Variants in PREX2 observed in about 807,000 individuals in gnomAD.
PREX2 encodes the protein phosphatidylinositol 3,4,5-trisphosphate-dependent Rac exchanger 2 protein.
PREX2 carries 107 observed loss-of-function variants against 203.2 expected under a neutral mutation model. The observed-to-expected ratio is 0.53, with a 90% confidence interval of 0.45 to 0.62. The LOEUF (loss-of-function observed/expected upper bound fraction) is 0.62, where lower values mean the gene tolerates loss of function less well. Among genes scored for constraint, PREX2 ranks in the 20% least tolerant of loss-of-function variants. The pLI, the probability that PREX2 is intolerant of heterozygous loss-of-function variation, is 0.00. For synonymous variants in PREX2, 672 were observed against 663.6 expected (o/e 1.01, Z -0.19); for missense variants, 1,777 against 1,955.9 (o/e 0.91, Z 1.72).
chr8:67,979,381 C>CT (rs1047482402), intron 1 of PREX2, among the ~76,000 whole-genome samples: 2 of 152,060 alleles, frequency 1.3e-5, no homozygotes, highest in African/African-American at 2.4e-5. Flanking sequence ...CTTTTTGTTG[C>CT]TTTTTTGGTG....
Position 68,017,878 on chromosome 8 carries a change from A to T in PREX2, c.174A>T (p.Ala58=). The T allele has an allele frequency of 6.2e-7, 1 of 1,613,094 alleles. No homozygotes were observed. The highest frequency in any genetic ancestry group is 8.5e-7 in the Non-Finnish European group (1 of 1,179,338). The change falls in exon 2 of 40, where the codon GCA becomes GCT. Residue 58 remains alanine, a synonymous_variant. Coordinates refer to ENST00000288368, the MANE Select transcript of PREX2 (RefSeq NM_024870.4). ...TACACAGAATGAACCAGTGTGCAGC[A>T]TCAAAAGTTGACAAAAATGTGACAG... is the stretch of plus-strand genomic sequence containing the variant. The part of the protein sequence containing the change: ...AFLHRMNQCA[A]SKVDKNVTEE...
intron 10 of PREX2, among the ~76,000 whole-genome samples, chr8:68,056,901 A>C (rs1207297532): frequency 6.6e-6 from 1 of 152,202 alleles, no homozygotes; most frequent in Admixed American, 6.5e-5. Flanking sequence ...ATTTGCTTTG[A>C]AAACATGGAG....
At chr8:68,228,244 T>A (rs1295904163) in intron 39 of PREX2, among the ~76,000 whole-genome samples, 1 of 152,198 alleles carries the variant, frequency 6.6e-6, no homozygotes, top group East Asian at 1.9e-4. Flanking sequence ...TTTTGTTATG[T>A]CACAAAATCT....
At chr8:68,107,485 G>A (rs533401808) in intron 23 of PREX2, among the ~76,000 whole-genome samples, 1 of 152,286 alleles carries the variant, frequency 6.6e-6, no homozygotes, top group South Asian at 2.1e-4. Context: ...AATCATGTGA[G>A]TATCACTTTA....
At chr8:68,014,787 T>C (rs1407487412) in intron 1 of PREX2, among the ~76,000 whole-genome samples, 1 of 152,198 alleles carries the variant, frequency 6.6e-6, no homozygotes, top group Non-Finnish European at 1.5e-5. Flanking sequence ...ACATAAAGAA[T>C]TGTTCATCAG....
chr8:68,118,445 A>G (rs1309629867), intron 26 of PREX2, 105 bp from the exon 27 acceptor site: 9 of 693,944 alleles, frequency 1.3e-5, no homozygotes, highest in Non-Finnish European at 2.3e-5. Flanking sequence ...AGTTTTCTCT[A>G]AAACATACTA....
At chr8:68,036,936 A>G (rs150845243) in intron 6 of PREX2, among the ~76,000 whole-genome samples, 1 of 152,168 alleles carries the variant, frequency 6.6e-6, no homozygotes, top group Non-Finnish European at 1.5e-5. Context: ...GTGAAACTCC[A>G]TTTCAAAAAA....
At chr8:68,157,962 A>G (rs899085530) in intron 35 of PREX2, among the ~76,000 whole-genome samples, 1 of 151,798 alleles carries the variant, frequency 6.6e-6, no homozygotes, top group African/African-American at 2.4e-5. Flanking sequence ...TACTGGTACA[A>G]TGATAAATGA....
At chr8:67,968,905 C>T (rs1805846975) in intron 1 of PREX2, among the ~76,000 whole-genome samples, 2 of 152,136 alleles carry the variant, frequency 1.3e-5, no homozygotes, top group African/African-American at 4.8e-5. Context: ...CAAGACTTGC[C>T]TAAGGAAATA....
chr8:68,056,124 A>T lies in PREX2; in HGVS notation c.1238+150A>T. On this transcript the variant is annotated intron_variant, in intron 10 of 39. Coordinates refer to ENST00000288368, the MANE Select transcript of PREX2 (RefSeq NM_024870.4). ...TTGCCATTTCCTGGGCGGTAGCAGG[A>T]TGAAGGAATGGACAGAGAGCCAGGA... The T allele has an allele frequency of 9.9e-6, 7 of 705,858 alleles. No individual in the cohort carries two copies. In the South Asian group the frequency reaches 1.3e-4, roughly 13 times the overall value. The allele number at this position is 705,858 out of a possible 1,614,324, so 43.7% of individuals were successfully genotyped here. A position where few individuals can be genotyped will look rare whatever the true frequency, so the allele number is the denominator to read the frequency against.
chr8:68,085,725 T>C (rs975413339), intron 18 of PREX2, among the ~76,000 whole-genome samples: 9 of 152,172 alleles, frequency 5.9e-5, no homozygotes, highest in Non-Finnish European at 8.8e-5. Flanking sequence ...GCTTCCAACA[T>C]TTGGACCAAA....
rs531823824 is a variant in PREX2 at position 68,123,961 on chromosome 8, A to C, written c.3724+2912A>C. 3.9e-5 allele frequency among the ~76,000 whole-genome samples: 6 copies of C among 152,188 alleles called. No individual in the cohort carries two copies. The East Asian group carries it at 1.2e-3, about 29-fold the overall frequency. ...ACCAAAAACTGGCAGAGATACAACA[A>C]CAAAAAGAAAACTTCAGGCCAGTAT... On this transcript the variant is annotated intron_variant, in intron 30 of 39. Transcript: ENST00000288368.
At chr8:68,069,917 A>C (rs1809146335) in intron 13 of PREX2, 33 bp downstream of exon 13, 1 of 1,293,904 alleles carries the variant, frequency 7.7e-7, no homozygotes, top group African/African-American at 1.5e-5. Context: ...GGGAAACTTA[A>C]ATGGAAATAT....
chr8:68,080,551 A>C lies in PREX2; in HGVS notation c.1751A>C (p.Lys584Thr). The C allele has an allele frequency of 1.2e-6, 2 of 1,608,720 alleles. No homozygotes were observed. The highest frequency in any genetic ancestry group is 1.7e-6 in the Non-Finnish European group (2 of 1,175,930). Reference protein sequence around the residue: ...MKHRLMKHDLKVVENVIAKSL... With the variant: ...MKHRLMKHDLTVVENVIAKSL... ...CATCGACTTATGAAACATGACTTAAAAGTTGTGGAAAATGTTATAGCTAAG... is the reference window on the plus strand; with the variant it reads ...CATCGACTTATGAAACATGACTTAACAGTTGTGGAAAATGTTATAGCTAAG... Residue 584 changes from lysine to threonine, a missense_variant, in exon 16 of 40, where the codon AAA (lysine) becomes ACA (threonine). Transcript: ENST00000288368.
At chr8:68,035,239 T>C (rs1057247570) in intron 6 of PREX2, among the ~76,000 whole-genome samples, 3 of 152,166 alleles carry the variant, frequency 2.0e-5, no homozygotes, top group Non-Finnish European at 2.9e-5. Context: ...GATTTATCTT[T>C]GTAAGAATGT....
At chr8:68,193,557 CAT>C (rs1315760918) in intron 37 of PREX2, among the ~76,000 whole-genome samples, 1 of 151,942 alleles carries the variant, frequency 6.6e-6, no homozygotes, top group African/African-American at 2.4e-5. Context: ...ATGTCAGAGA[CAT>C]AAAGGATGAA....
chr8:68,002,461 G>A (rs924791606), intron 1 of PREX2, among the ~76,000 whole-genome samples: 1 of 152,156 alleles, frequency 6.6e-6, no homozygotes, highest in Non-Finnish European at 1.5e-5. Context: ...CCAAAGGCGT[G>A]AGCCACTGTG....
At chr8:68,147,047 G>A (rs989061971) in intron 34 of PREX2, among the ~76,000 whole-genome samples, 11 of 151,968 alleles carry the variant, frequency 7.2e-5, no homozygotes, top group African/African-American at 2.2e-4. Flanking sequence ...TTATTGTGGC[G>A]TGTCCTCTAG....
intron 8 of PREX2, among the ~76,000 whole-genome samples, chr8:68,052,835 GTTAA>G (rs1313951966): frequency 2.0e-5 from 3 of 152,178 alleles, no homozygotes; most frequent in Admixed American, 6.5e-5. Flanking sequence ...GCATGTAAGT[GTTAA>G]TTAGTTTGTA....
Sources: allele counts gnomAD v4.1 joint callset (sites outside exome capture counted in the v4.1 genomes callset), GRCh38; gene constraint gnomAD v4.1.1; transcripts MANE v1.5; gene names NCBI Gene and HGNC (gene_info 2026-07-23, HGNC 2026-07-21).